The following UBE3C variants were observed in gnomAD, a reference collection of about 807,000 sequenced individuals.
UBE3C encodes ubiquitin-protein ligase E3C.
Under a neutral mutation model 129.4 loss-of-function variants are expected in UBE3C, and 42 were observed. That is an observed-to-expected ratio of 0.32 (90% CI 0.25 to 0.42). The LOEUF is 0.42. Ranked by LOEUF, UBE3C falls within the 10% of genes least tolerant of loss-of-function variation. The pLI is 1.00. For synonymous variants in UBE3C, 510 were observed against 492.4 expected (o/e 1.04, Z -0.47); for missense variants, 1,049 against 1,319.1 (o/e 0.80, Z 3.17).
chr7:157,267,883 A>G lies in UBE3C; in HGVS notation c.*128A>G, dbSNP rs1365704822. On this transcript the variant is annotated 3_prime_UTR_variant, in exon 23 of 23. Transcript: ENST00000348165. ...CCTAAGCTCCTTCTTTCATTCTGCC[A>G]TTCCTCCCTCCCTTCCTTTTTTAAA... 1 of 709,936 alleles carries G rather than the reference A, an allele frequency of 1.4e-6. No individual in the cohort carries two copies. Among genetic ancestry groups the G allele is most frequent in the Non-Finnish European group, 2.2e-6 (1 of 461,016 alleles). The allele number at this position is 709,936 out of a possible 1,614,324, so 44.0% of individuals were successfully genotyped here.
At chr7:157,252,348 T>A (rs1485388308) in intron 19 of UBE3C, among the ~76,000 whole-genome samples, 1 of 152,200 alleles carries the variant, frequency 6.6e-6, no homozygotes, top group Non-Finnish European at 1.5e-5. Context: ...GAGGCTTGGT[T>A]AACAGATGGA....
intron 1 of UBE3C, among the ~76,000 whole-genome samples, chr7:157,142,537 T>C (rs1318453589): frequency 6.6e-6 from 1 of 152,140 alleles, no homozygotes; most frequent in Non-Finnish European, 1.5e-5. Flanking sequence ...GTAATTAGGA[T>C]GGGTGGAAGA....
rs542792987 is a variant in UBE3C, at chr7:157,178,401, G to GT, written c.459-285dup. 1.8e-4 allele frequency among the ~76,000 whole-genome samples: 27 copies of GT among 152,294 alleles called. 1 individual carries two copies. In the South Asian group the frequency reaches 5.6e-3, roughly 32 times the overall value. On this transcript the variant is annotated intron_variant, in intron 5 of 22. Transcript: ENST00000348165. Reference sequence around the variant, plus strand: ...CATGGATTATAATACTTCTTACAGTGTTTTGTAATCTTTAATTTTTCGTGT... The same window carrying GT: ...CATGGATTATAATACTTCTTACAGTGTTTTTGTAATCTTTAATTTTTCGTGT...
chr7:157,201,657 T>TA, intron 10 of UBE3C, 64 bp from the exon 11 acceptor site: 1 of 648,348 alleles, frequency 1.5e-6, no homozygotes, highest in South Asian at 2.7e-5. Context: ...TTTTTTTTTT[T>TA]TAAGAAATGT....
At chr7:157,254,956 TACACCTGCAGTCCCGGCGTGGTGGC>T (rs1796711833) in intron 21 of UBE3C, among the ~76,000 whole-genome samples, 1 of 146,944 alleles carries the variant, frequency 6.8e-6, no homozygotes, top group African/African-American at 2.5e-5. Context: ...CGTGGTGGCG[TACACCTGCAGTCCCGGCGTGGTGGC>T]GTACACCTGC....
intron 1 of UBE3C, among the ~76,000 whole-genome samples, chr7:157,152,314 C>T (rs1332657735): frequency 6.6e-6 from 1 of 152,010 alleles, no homozygotes; most frequent in East Asian, 1.9e-4. Flanking sequence ...ACTGGAAAGC[C>T]GCTAAAGAGT....
Position 157,216,911 on chromosome 7 carries a change from G to A in UBE3C, c.1854G>A (p.Arg618=), listed in dbSNP as rs867273867. 6.2e-7 allele frequency: 1 copy of A among 1,614,100 alleles called. No homozygotes were observed. The highest frequency in any genetic ancestry group is 1.7e-4 in the Middle Eastern group (1 of 6,060). Residue 618 remains arginine (R), a synonymous_variant, in exon 14 of 23, where the codon AGG becomes AGA. Transcript: ENST00000348165. ...LVKMLKSRDT[R]RNFCPPNHWL... is the part of the protein sequence containing the mutation. ...AAATGTTGAAGTCCAGAGACACGAG[G>A]AGAAATTTTTGTCCTCCAAACCACT... is the stretch of plus-strand genomic sequence containing the variant.
In UBE3C at chr7:157,144,154, C is replaced by T. The variant is rs116333688; in HGVS notation, c.66+4816C>T. On this transcript the variant is annotated intron_variant, in intron 1 of 22. Transcript: ENST00000348165. Reference sequence around the variant, plus strand: ...GTCACAAACAGGGCCGAACACAGGCCGGATGCTGTGGCGCACGCCTACAAT... The same window carrying T: ...GTCACAAACAGGGCCGAACACAGGCTGGATGCTGTGGCGCACGCCTACAAT... 1.8e-3 allele frequency among the ~76,000 whole-genome samples: 277 copies of T among 152,282 alleles called. 1 individual carries two copies. Among genetic ancestry groups the T allele is most frequent in the African/African-American group, 6.3e-3 (261 of 41,562 alleles).
chr7:157,189,386 TAA>T (rs200471489), intron 10 of UBE3C: 1,797 of 155,516 alleles, frequency 0.012, 27 homozygotes, highest in South Asian at 0.047. Flanking sequence ...AAAATATGAT[TAA>T]ATATTCACTG....
intron 17 of UBE3C, among the ~76,000 whole-genome samples, chr7:157,227,415 T>G (rs760498634): frequency 7.2e-5 from 11 of 152,056 alleles, no homozygotes; most frequent in Non-Finnish European, 1.3e-4. Context: ...AACTACTCCC[T>G]GGGCGTGGCG....
intron 2 of UBE3C, among the ~76,000 whole-genome samples, chr7:157,166,154 C>T (rs575304569): frequency 1.3e-5 from 2 of 152,266 alleles, no homozygotes; most frequent in South Asian, 2.1e-4. Context: ...TTATGTTATC[C>T]CAAATGTCAT....
chr7:157,228,853 T>C (rs1795946365), intron 17 of UBE3C, among the ~76,000 whole-genome samples: 1 of 152,234 alleles, frequency 6.6e-6, no homozygotes, highest in South Asian at 2.1e-4. Flanking sequence ...ATAGACTATT[T>C]ACACTCCAGG....
chr7:157,244,030 A>G (rs1359583365), intron 18 of UBE3C, among the ~76,000 whole-genome samples: 1 of 152,178 alleles, frequency 6.6e-6, no homozygotes, highest in Non-Finnish European at 1.5e-5. Flanking sequence ...CAGGAGTTCA[A>G]GACAATCCTG....
At position 157,166,991 on chromosome 7, in the gene UBE3C, A is replaced by T. The variant is rs546823373; in HGVS notation, c.121-2057A>T. ...GTCACCCAGGCTGGAGTGCAGTGAC[A>T]TGATCTCAGCTCACTGCAACCTCCA... On this transcript the variant is annotated intron_variant, in intron 2 of 22. Coordinates refer to ENST00000348165, the MANE Select transcript of UBE3C (RefSeq NM_014671.3). Among the ~76,000 whole-genome samples the T allele has an allele frequency of 2.6e-5, 4 of 151,798 alleles. No individual in the cohort carries two copies. The East Asian group carries it at 7.8e-4, about 30-fold the overall frequency.
chr7:157,190,089 T>C (rs1027282470), intron 10 of UBE3C, among the ~76,000 whole-genome samples: 13 of 152,346 alleles, frequency 8.5e-5, no homozygotes, highest in African/African-American at 2.4e-4. Context: ...CGTGAGCCAC[T>C]GCGCCCTGCT....
In UBE3C at chr7:157,254,085, C is replaced by T; in HGVS notation, c.2826C>T (p.Gly942=). 2 of 1,613,378 alleles carry T rather than the reference C, an allele frequency of 1.2e-6. No individual in the cohort carries two copies. Among genetic ancestry groups the T allele is most frequent in the African/African-American group, 1.3e-5 (1 of 75,022 alleles). Residue 942 remains glycine, a synonymous_variant, in exon 20 of 23, where the codon GGC becomes GGT. Transcript: ENST00000348165. Reference sequence around the variant, plus strand: ...AGCACTGCCTGGCTTTCCGCCAGGGCCTTGCCAATGTCGTCAGCCTCGAGT... The same window carrying T: ...AGCACTGCCTGGCTTTCCGCCAGGGTCTTGCCAATGTCGTCAGCCTCGAGT... ...IRQHCLAFRQ[G]LANVVSLEWL...
chr7:157,268,696 C>G lies in UBE3C; in HGVS notation c.*941C>G, dbSNP rs922030293. On this transcript the variant is annotated 3_prime_UTR_variant, in exon 23 of 23. Transcript: ENST00000348165. ...TCTTCCTGGATATTTGGGGGTGACT[C>G]GCCATGCTTGGCACCCTCTGCTTCC... The G allele has an allele frequency of 2.0e-4, 30 of 152,722 alleles. No individual in the cohort carries two copies. Among genetic ancestry groups the G allele is most frequent in the African/African-American group, 7.0e-4 (29 of 41,456 alleles). 9.5% of individuals were successfully genotyped at this position (152,722 alleles called of 1,614,324 possible). A position where few individuals can be genotyped will look rare whatever the true frequency, so the allele number is the denominator to read the frequency against.
At chr7:157,253,830 G>T (rs763618338) in intron 19 of UBE3C, 124 bp from the exon 20 acceptor site, 5 of 950,432 alleles carry the variant, frequency 5.3e-6, no homozygotes, top group Middle Eastern at 2.5e-4. Flanking sequence ...GTACTATTTC[G>T]TATTTAGATT....
At chr7:157,218,773 C>T (rs1389567884) in intron 14 of UBE3C, among the ~76,000 whole-genome samples, 1 of 152,112 alleles carries the variant, frequency 6.6e-6, no homozygotes, top group African/African-American at 2.4e-5. Flanking sequence ...TGCAGGGTGG[C>T]TGGGGCTGGG....
Sources: allele counts gnomAD v4.1 joint callset (sites outside exome capture counted in the v4.1 genomes callset), GRCh38; gene constraint gnomAD v4.1.1; transcripts MANE v1.5; gene names NCBI Gene and HGNC (gene_info 2026-07-23, HGNC 2026-07-21).